Variants in TSR1 observed in about 807,000 individuals in gnomAD.
TSR1 encodes the protein pre-rRNA-processing protein TSR1 homolog.
TSR1 carries 81 observed loss-of-function variants against 90.9 expected under a neutral mutation model. That is an observed-to-expected ratio of 0.89 (90% CI 0.74 to 1.07). The LOEUF is 1.07. TSR1 is among the 50% of genes least tolerant of loss of function. The pLI is 0.00. For synonymous variants in TSR1, 362 were observed against 348.8 expected, an observed-to-expected ratio of 1.04 and a Z score of -0.42; for missense variants, 989 against 987.3, an observed-to-expected ratio of 1.00 and a Z score of -0.02.
intron 7 of TSR1, 56 bp from the exon 8 acceptor site, chr17:2,332,415 A>C: frequency 7.0e-7 from 1 of 1,423,408 alleles, no homozygotes; most frequent in Non-Finnish European, 9.5e-7. Context: ...CTCTACCCCA[A>C]AGGCCAATAA....
At chr17:2,333,464 CCA>C in intron 6 of TSR1, 91 bp downstream of exon 6, 1 of 1,497,576 alleles carries the variant, frequency 6.7e-7, no homozygotes, top group Non-Finnish European at 9.3e-7. Context: ...TACCCCCACC[CCA>C]CTCTATCCTA....
chr17:2,324,227 G>A lies in TSR1; in HGVS notation c.2384C>T (p.Ser795Phe), dbSNP rs376000588. 65 of 1,528,174 alleles carry A rather than the reference G, an allele frequency of 4.3e-5. No homozygotes were observed. In the Middle Eastern group the frequency reaches 7.1e-4, roughly 17 times the overall value. The allele number at this position is 1,528,174 out of a possible 1,614,324, so 94.7% of individuals were successfully genotyped here. ...EPVPWLKSEI[S>F]STVPQGGME ...CATGCCCCCTTGAGGCACTGTTGAA[G>A]AAATCTCACTTTTCAGCCAGGGTAC... Residue 795 changes from serine to phenylalanine, a missense_variant, in exon 15 of 15, where the codon TCT becomes TTT. By Grantham distance (155) the Ser-to-Phe change is radical. Transcript: ENST00000301364.
At chr17:2,336,236 G>A in intron 1 of TSR1, 95 bp downstream of exon 1, 3 of 1,601,504 alleles carry the variant, frequency 1.9e-6, no homozygotes, top group South Asian at 1.1e-5. Flanking sequence ...CTTTCGCGTG[G>A]AGCCCAGACG....
chr17:2,332,838 T>TAA (rs940534096), intron 7 of TSR1, 123 bp downstream of exon 7: 11 of 875,116 alleles, frequency 1.3e-5, no homozygotes, highest in South Asian at 2.3e-5. Context: ...CTCCGTCTCA[T>TAA]AAAAAAAAAA....
intron 11 of TSR1, among the ~76,000 whole-genome samples, chr17:2,327,371 C>T (rs2075581513): frequency 6.8e-6 from 1 of 146,348 alleles, no homozygotes; most frequent in Admixed American, 7.0e-5. Flanking sequence ...GAGCTGAGAT[C>T]ATGTTACTGC....
rs1345598276 is a variant in TSR1 at position 2,329,434 on chromosome 17, G to A, written c.1812C>T (p.Asn604=). The stretch of plus-strand genomic sequence containing the variant: ...CTTCCTTGGCTTTCACAGGTTCAGT[G>A]TTGCCAGGGTCACGCCTCACCACCA... The part of the protein sequence containing the change: ...LNMVVRRDPG[N]TEPVKAKEEL... Residue 604 remains asparagine, a synonymous_variant, in exon 11 of 15, where the codon AAC becomes AAT. Transcript: ENST00000301364. The A allele has an allele frequency of 2.5e-6, 4 of 1,614,050 alleles. No homozygotes were observed. Among genetic ancestry groups the A allele is most frequent in the Non-Finnish European group, 3.4e-6 (4 of 1,180,050 alleles).
chr17:2,336,200 T>A (rs2064076365), intron 1 of TSR1, 60 bp from the exon 2 acceptor site: 3 of 1,601,000 alleles, frequency 1.9e-6, no homozygotes, highest in Non-Finnish European at 2.6e-6. Flanking sequence ...GAAAAGGGAC[T>A]CCTCTCCGCC....
intron 5 of TSR1, among the ~76,000 whole-genome samples, chr17:2,334,252 C>G (rs970129143): frequency 6.6e-6 from 1 of 152,230 alleles, no homozygotes; most frequent in African/African-American, 2.4e-5. Flanking sequence ...GCAACCACAT[C>G]TTGAGTGTGT....
intron 11 of TSR1, among the ~76,000 whole-genome samples, chr17:2,326,599 G>A (rs1194895350): frequency 6.6e-6 from 1 of 152,132 alleles, no homozygotes; most frequent in African/African-American, 2.4e-5. Context: ...AGGCTAGACT[G>A]TATTTGGTGT....
At position 2,333,607 on chromosome 17, in the gene TSR1, A is replaced by G. The variant is rs1260969219; in HGVS notation, c.1091T>C (p.Met364Thr). 1 of 1,614,102 alleles carries G rather than the reference A, an allele frequency of 6.2e-7. No homozygotes were observed. The highest frequency in any genetic ancestry group is 1.7e-5 in the Admixed American group (1 of 59,996). ...AGTGGGCCAGGTTTGCTCTCCCTCC[A>G]TTGGATCTGGGATAACCTCTGCTTG... ...SLQAEVIPDP[M>T]EGEQTWPTEE... The change falls in exon 6 of 15, where the codon ATG becomes ACG. Residue 364 changes from methionine (M) to threonine (T), a missense_variant. Met to Thr is a moderately conservative substitution (Grantham distance 81). Transcript: ENST00000301364.
chr17:2,323,271 A>G lies in TSR1; in HGVS notation c.*925T>C. 6.2e-7 allele frequency: 1 copy of G among 1,614,190 alleles called. No individual in the cohort carries two copies. Among genetic ancestry groups the G allele is most frequent in the Non-Finnish European group, 8.5e-7 (1 of 1,180,010 alleles). ...CATAGCAGATGGTGTCAAATCCAGC[A>G]TTGGCTTGAACACCTGGCCTATTAT... On this transcript the variant is annotated 3_prime_UTR_variant, in exon 15 of 15. Transcript: ENST00000301364.
chr17:2,322,860 G>A lies in TSR1; in HGVS notation c.*1336C>T, dbSNP rs1381488874. 3 of 397,366 alleles carry A rather than the reference G, an allele frequency of 7.5e-6. No homozygotes were observed. Among genetic ancestry groups the A allele is most frequent in the African/African-American group, 6.2e-5 (3 of 48,532 alleles). 24.6% of individuals were successfully genotyped at this position (397,366 alleles called of 1,614,324 possible). The stretch of plus-strand genomic sequence containing the variant: ...GCTCACTGCAACCTACCCCTCCCAA[G>A]TTCAAGTGATTCTCCTACCTCAGCC... On this transcript the variant is annotated 3_prime_UTR_variant, in exon 15 of 15. Coordinates refer to ENST00000301364, the MANE Select transcript of TSR1 (RefSeq NM_018128.5).
chr17:2,330,306 T>C (rs751779344), intron 10 of TSR1: 6 of 692,932 alleles, frequency 8.7e-6, no homozygotes, highest in South Asian at 2.7e-5. Flanking sequence ...CACACAGAGA[T>C]TGCATCACTG....
chr17:2,330,100 G>GT (rs1487707280), intron 10 of TSR1: 1 of 331,494 alleles, frequency 3.0e-6, no homozygotes, highest in Non-Finnish European at 5.9e-6. Flanking sequence ...TGTATTTTTG[G>GT]TAGAGACAGG....
intron 12 of TSR1, 175 bp from the exon 13 acceptor site, chr17:2,325,004 T>C: frequency 1.5e-6 from 1 of 672,916 alleles, no homozygotes; most frequent in Non-Finnish European, 2.4e-6. Flanking sequence ...AATAGGTTCT[T>C]GAAAACTTGT....
intron 2 of TSR1, 140 bp from the exon 3 acceptor site, chr17:2,335,870 G>T: frequency 7.9e-7 from 1 of 1,259,488 alleles, no homozygotes; most frequent in Non-Finnish European, 1.1e-6. Flanking sequence ...CAGCGGGGTG[G>T]CAGGAATTCT....
At chr17:2,325,064 G>A (rs2075567710) in intron 12 of TSR1, 1 of 600,278 alleles carries the variant, frequency 1.7e-6, no homozygotes, top group Non-Finnish European at 2.8e-6. Flanking sequence ...CTCATCAGTT[G>A]TTACAAGGAA....
intron 6 of TSR1, 66 bp downstream of exon 6, chr17:2,333,491 G>C: frequency 6.2e-7 from 1 of 1,604,472 alleles, no homozygotes; most frequent in Admixed American, 1.7e-5. Flanking sequence ...GCCCTCACTT[G>C]GAACAGCTAC....
At position 2,323,568 on chromosome 17, in the gene TSR1, A is replaced by T; in HGVS notation, c.*628T>A. On this transcript the variant is annotated 3_prime_UTR_variant, in exon 15 of 15. Coordinates refer to ENST00000301364, the MANE Select transcript of TSR1 (RefSeq NM_018128.5). ...GTGTACACAGTGATAAGAAAATTCA[A>T]ACTGGACACGTATTCTCATCTGAAC... 7.1e-7 allele frequency: 1 copy of T among 1,404,832 alleles called. No individual in the cohort carries two copies. 87.0% of individuals were successfully genotyped at this position (1,404,832 alleles called of 1,614,324 possible). A position where few individuals can be genotyped will look rare whatever the true frequency, so the allele number is the denominator to read the frequency against.
Sources: allele counts gnomAD v4.1 joint callset (sites outside exome capture counted in the v4.1 genomes callset), GRCh38; gene constraint gnomAD v4.1.1; transcripts MANE v1.5; gene names NCBI Gene and HGNC (gene_info 2026-07-23, HGNC 2026-07-21).